The following TBC1D15 variants were observed in gnomAD, a reference collection of about 807,000 sequenced individuals.
TBC1D15 encodes GAP for RAB7.
Under a neutral mutation model 95.4 loss-of-function variants are expected in TBC1D15, and 39 were observed. The ratio of observed to expected loss-of-function variants is 0.41; its 90% CI spans 0.32 to 0.53. The LOEUF (loss-of-function observed/expected upper bound fraction) is 0.53. TBC1D15 is among the 20% of genes least tolerant of loss of function. The pLI is 0.29. For synonymous variants in TBC1D15, 258 were observed against 261.3 expected, an observed-to-expected ratio of 0.99 and a Z score of 0.12; for missense variants, 733 against 794.3, an observed-to-expected ratio of 0.92 and a Z score of 0.93.
At chr12:71,881,018 G>A (rs2138472263) in intron 4 of TBC1D15, among the ~76,000 whole-genome samples, 1 of 152,240 alleles carries the variant, frequency 6.6e-6, no homozygotes, top group East Asian at 1.9e-4. Context: ...GCTCATTGCA[G>A]TTTTCCCTTA....
intron 11 of TBC1D15, among the ~76,000 whole-genome samples, chr12:71,910,445 A>C (rs1173256585): frequency 5.3e-5 from 8 of 151,398 alleles, no homozygotes; most frequent in African/African-American, 7.3e-5. Context: ...CTATAAATTA[A>C]CTTGGGCAGT....
intron 1 of TBC1D15, among the ~76,000 whole-genome samples, chr12:71,840,872 T>C (rs1178937318): frequency 2.0e-5 from 3 of 152,198 alleles, no homozygotes; most frequent in African/African-American, 7.2e-5. Context: ...CCTTGGAAAA[T>C]TGGGCAATTG....
At chr12:71,868,566 G>A (rs969103079) in intron 1 of TBC1D15, among the ~76,000 whole-genome samples, 1 of 151,934 alleles carries the variant, frequency 6.6e-6, no homozygotes, top group Non-Finnish European at 1.5e-5. Context: ...TTTTTGTAAG[G>A]TGTCTGTCAC....
rs962609482 is a variant in TBC1D15, at chr12:71,849,305, G to C, written c.30+9494G>C. 22 of 1,006,386 alleles carry C rather than the reference G, an allele frequency of 2.2e-5. No homozygotes were observed. In the Admixed American group the frequency reaches 2.3e-4, roughly 10 times the overall value. The allele number at this position is 1,006,386 out of a possible 1,614,324, so 62.3% of individuals were successfully genotyped here. On this transcript the variant is annotated intron_variant, in intron 1 of 16. Coordinates refer to ENST00000485960, the MANE Select transcript of TBC1D15 (RefSeq NM_001146213.3). Reference sequence around the variant, plus strand: ...TGTTCCACGCTTCTATCTGCCAGAAGAATCTTTTTAGGTAAGGAGGCTATC... The same window carrying C: ...TGTTCCACGCTTCTATCTGCCAGAACAATCTTTTTAGGTAAGGAGGCTATC...
intron 7 of TBC1D15, among the ~76,000 whole-genome samples, 153 bp from the exon 8 acceptor site, chr12:71,895,794 T>TTA (rs1898044859): frequency 6.6e-6 from 1 of 152,124 alleles, no homozygotes; most frequent in Non-Finnish European, 1.5e-5. Flanking sequence ...ATGCTAACTA[T>TTA]TATAGTTAAA....
Position 71,881,723 on chromosome 12 carries a change from A to G in TBC1D15, c.343+1116A>G, listed in dbSNP as rs149098193. On this transcript the variant is annotated intron_variant, in intron 4 of 16. Coordinates refer to ENST00000485960, the MANE Select transcript of TBC1D15 (RefSeq NM_001146213.3). ...ACGAGGTCAGGAGATCGAGATCACC[A>G]TGGCCAAAATGGTGAAACCCTGTCT... 4.2e-3 allele frequency among the ~76,000 whole-genome samples: 636 copies of G among 152,032 alleles called. 2 individuals are homozygous for G. Among genetic ancestry groups the G allele is most frequent in the Middle Eastern group, 6.8e-3 (2 of 294 alleles).
intron 1 of TBC1D15, among the ~76,000 whole-genome samples, chr12:71,846,423 A>G (rs2137830866): frequency 6.6e-6 from 1 of 152,350 alleles, no homozygotes; most frequent in Non-Finnish European, 1.5e-5. Context: ...TTTGCCAGGT[A>G]CAGACAAGCA....
intron 11 of TBC1D15, among the ~76,000 whole-genome samples, chr12:71,910,026 A>G (rs1186634757): frequency 2.6e-5 from 4 of 152,038 alleles, no homozygotes; most frequent in African/African-American, 9.7e-5. Context: ...TCCATCTTGA[A>G]TTAATTTTTG....
chr12:71,842,038 G>A (rs1357266411), intron 1 of TBC1D15, among the ~76,000 whole-genome samples: 3 of 152,108 alleles, frequency 2.0e-5, no homozygotes, highest in Non-Finnish European at 4.4e-5. Context: ...ATCCAGGGGA[G>A]TGAATGTTAA....
chr12:71,893,343 T>C lies in TBC1D15; in HGVS notation c.657+19T>C. ...AATACAAGTATGTTCCTTAAATCTATCCTGTATTATTCTGACTGCATTATT... is the reference window on the plus strand; with the variant it reads ...AATACAAGTATGTTCCTTAAATCTACCCTGTATTATTCTGACTGCATTATT... On this transcript the variant is annotated intron_variant, in intron 6 of 16. Coordinates refer to ENST00000485960, the MANE Select transcript of TBC1D15 (RefSeq NM_001146213.3). 1 of 1,560,776 alleles carries C rather than the reference T, an allele frequency of 6.4e-7. No individual in the cohort carries two copies. Among genetic ancestry groups the C allele is most frequent in the Non-Finnish European group, 8.8e-7 (1 of 1,137,608 alleles).
intron 14 of TBC1D15, among the ~76,000 whole-genome samples, chr12:71,920,001 T>G (rs1022585137): frequency 1.1e-4 from 17 of 152,210 alleles, no homozygotes; most frequent in African/African-American, 3.6e-4. Context: ...TCAACTTGAT[T>G]TACTCCTTTT....
In TBC1D15 at chr12:71,896,046, G is replaced by A; in HGVS notation, c.955G>A (p.Asp319Asn). ...TTCTGAAGGAAGAATTTTAAATGTA[G>A]ATAATATGAAGCAGATGATATTTAG... is the stretch of plus-strand genomic sequence containing the variant. Reference protein sequence around the residue: ...IDSEGRILNVDNMKQMIFRGG... With the variant: ...IDSEGRILNVNNMKQMIFRGG... Residue 319 changes from aspartate to asparagine, a missense_variant, in exon 8 of 17, where the codon GAT (aspartate) becomes AAT (asparagine). Asp to Asn is a conservative substitution (Grantham distance 23). Coordinates refer to ENST00000485960, the MANE Select transcript of TBC1D15 (RefSeq NM_001146213.3). 16 of 1,611,190 alleles carry A rather than the reference G, an allele frequency of 9.9e-6. No individual in the cohort carries two copies. The highest frequency in any genetic ancestry group is 1.4e-5 in the Non-Finnish European group (16 of 1,177,872).
chr12:71,876,831 G>A (rs1391125266), intron 3 of TBC1D15, among the ~76,000 whole-genome samples: 1 of 142,232 alleles, frequency 7.0e-6, no homozygotes, highest in Non-Finnish European at 1.5e-5. Context: ...TTTTTTTTGA[G>A]ACAGAGTCTC....
intron 1 of TBC1D15, among the ~76,000 whole-genome samples, chr12:71,867,629 A>G (rs1432855526): frequency 1.3e-5 from 2 of 152,244 alleles, no homozygotes; most frequent in Non-Finnish European, 2.9e-5. Flanking sequence ...CCTGAAATCC[A>G]CAAAGTGTTC....
chr12:71,877,496 T>C lies in TBC1D15; in HGVS notation c.205-2973T>C, dbSNP rs560463662. Among the ~76,000 whole-genome samples, 23 of 89,712 alleles carry C rather than the reference T, an allele frequency of 2.6e-4. 2 individuals carry two copies. The highest frequency in any genetic ancestry group is 2.2e-3 in the South Asian group (5 of 2,274). The allele number at this position is 89,712 out of a possible 152,430, so 58.9% of individuals were successfully genotyped here. ...ATTTTAAAATCTTTTCTTTCCTGTT[T>C]TTCCTTCCTTCCTTCCTTCCTTCCT... On this transcript the variant is annotated intron_variant, in intron 3 of 16. Coordinates refer to ENST00000485960, the MANE Select transcript of TBC1D15 (RefSeq NM_001146213.3).
At chr12:71,921,613 C>G (rs909051997) in intron 16 of TBC1D15, among the ~76,000 whole-genome samples, 159 bp downstream of exon 16, 2 of 152,140 alleles carry the variant, frequency 1.3e-5, no homozygotes, top group Non-Finnish European at 2.9e-5. Context: ...ATTTACAGCA[C>G]TTAATTGAAA....
chr12:71,849,626 A>G, intron 1 of TBC1D15: 2 of 591,808 alleles, frequency 3.4e-6, no homozygotes, highest in South Asian at 3.3e-5. Context: ...CCTAAGCTGC[A>G]TTGGAGACAT....
intron 11 of TBC1D15, 42 bp from the exon 12 acceptor site, chr12:71,913,784 A>T: frequency 7.1e-7 from 1 of 1,412,614 alleles, no homozygotes; most frequent in Non-Finnish European, 9.7e-7. Context: ...AAGGTTACAT[A>T]AAACTTGGGT....
At chr12:71,862,178 G>A (rs1035572602) in intron 1 of TBC1D15, among the ~76,000 whole-genome samples, 6 of 152,024 alleles carry the variant, frequency 3.9e-5, no homozygotes, top group African/African-American at 7.2e-5. Flanking sequence ...TTTTGTAAAT[G>A]TCTGTTAGAT....
Sources: gnomAD v4.1 joint callset for allele counts (sites outside exome capture counted in the v4.1 genomes callset) on GRCh38, gnomAD v4.1.1 for gene constraint, MANE v1.5 for transcripts, NCBI Gene and HGNC (gene_info 2026-07-23, HGNC 2026-07-21) for gene names.